Variants in DAB1 observed in about 807,000 individuals in gnomAD.
DAB1 encodes the protein DAB adaptor protein 1.
A neutral mutation model predicts 64.6 loss-of-function variants in DAB1; 15 were observed. The observed-to-expected ratio is 0.23, with a 90% confidence interval of 0.16 to 0.36. The LOEUF is 0.36. Ranked by LOEUF, DAB1 falls within the 10% of genes least tolerant of loss-of-function variation. The pLI is 1.00. For missense variants in DAB1, 596 were observed against 706.7 expected, an observed-to-expected ratio of 0.84 and a Z score of 1.78; for synonymous variants, 235 against 251.9, an observed-to-expected ratio of 0.93 and a Z score of 0.64.
intron 6 of DAB1, among the ~76,000 whole-genome samples, chr1:57,707,101 C>T (rs960561784): frequency 2.0e-5 from 3 of 151,552 alleles, no homozygotes; most frequent in Non-Finnish European, 4.4e-5. Context: ...ACAAAAAAAC[C>T]CCCCAAAAAA....
chr1:58,449,916 T>C (rs1401604006), intron 3 of DAB1, among the ~76,000 whole-genome samples: 2 of 152,234 alleles, frequency 1.3e-5, no homozygotes, highest in African/African-American at 4.8e-5. Flanking sequence ...GTGACTAGCA[T>C]AACACCTGAT....
chr1:57,186,234 G>A (rs180901986), intron 2 of DAB1, among the ~76,000 whole-genome samples: 110 of 152,140 alleles, frequency 7.2e-4, no homozygotes, highest in Non-Finnish European at 4.6e-4. Flanking sequence ...ATATGTATCC[G>A]TGTTTCTCCA....
At chr1:57,353,744 C>T (rs570002326) in intron 1 of DAB1, among the ~76,000 whole-genome samples, 1 of 152,146 alleles carries the variant, frequency 6.6e-6, no homozygotes, top group Admixed American at 6.5e-5. Flanking sequence ...TTTGCTACAG[C>T]TCCCTGCTCC....
chr1:57,425,821 A>G (rs185648268), upstream of DAB1, among the ~76,000 whole-genome samples: 3 of 152,272 alleles, frequency 2.0e-5, no homozygotes, highest in Admixed American at 1.3e-4. Flanking sequence ...AAGTCTCTAC[A>G]AGTTTTCCAA....
At chr1:57,852,306 C>T (rs1477528595) in intron 1 of DAB1, among the ~76,000 whole-genome samples, 1 of 151,846 alleles carries the variant, frequency 6.6e-6, no homozygotes, top group Admixed American at 6.5e-5. Flanking sequence ...TAACATTTTT[C>T]ATACCCTTTT....
intron 6 of DAB1, among the ~76,000 whole-genome samples, chr1:57,791,695 G>C (rs72664676): frequency 0.044 from 6,626 of 152,168 alleles, 234 homozygotes; most frequent in Non-Finnish European, 0.066. Context: ...CCCACCTCCT[G>C]CATATCCAAC....
intron 1 of DAB1, among the ~76,000 whole-genome samples, chr1:57,331,586 A>G (rs1380554405): frequency 1.3e-5 from 2 of 152,226 alleles, no homozygotes; most frequent in Non-Finnish European, 2.9e-5. Flanking sequence ...TGCCTTCTAT[A>G]GAGACTAGAA....
chr1:57,953,598 C>T (rs562324891), intron 5 of DAB1, among the ~76,000 whole-genome samples: 9 of 152,286 alleles, frequency 5.9e-5, no homozygotes, highest in South Asian at 2.1e-4. Context: ...GGACATCCTC[C>T]GTTTGCCCTT....
intron 5 of DAB1, among the ~76,000 whole-genome samples, chr1:58,126,873 G>T (rs936754810): frequency 6.8e-6 from 1 of 146,314 alleles, no homozygotes; most frequent in Non-Finnish European, 1.5e-5. Context: ...GGACATTTGG[G>T]TTGGTTCCAA....
intron 5 of DAB1, among the ~76,000 whole-genome samples, chr1:57,967,637 T>C (rs182180800): frequency 6.6e-6 from 1 of 152,342 alleles, no homozygotes; most frequent in Admixed American, 6.5e-5. Context: ...AGAATCTAAC[T>C]GGGTTACCAG....
chr1:58,029,114 C>T (rs1443555169), intron 5 of DAB1, among the ~76,000 whole-genome samples: 1 of 152,060 alleles, frequency 6.6e-6, no homozygotes, highest in Non-Finnish European at 1.5e-5. Context: ...AACACTAAGA[C>T]CAACTATAAT....
chr1:57,226,672 A>AAAAATATAT (rs747021990), intron 2 of DAB1, among the ~76,000 whole-genome samples: 22 of 135,998 alleles, frequency 1.6e-4, no homozygotes, highest in African/African-American at 6.2e-4. Context: ...TTAAAAAAAA[A>AAAAATATAT]ATATATATAT....
intron 7 of DAB1, among the ~76,000 whole-genome samples, chr1:57,523,801 T>G (rs748304389): frequency 9.9e-5 from 15 of 152,058 alleles, no homozygotes; most frequent in Non-Finnish European, 1.8e-4. Context: ...GGTGCATCCC[T>G]GTAGTCCCAG....
At chr1:58,414,636 G>A (rs1228235381) in intron 3 of DAB1, among the ~76,000 whole-genome samples, 1 of 151,760 alleles carries the variant, frequency 6.6e-6, no homozygotes, top group African/African-American at 2.4e-5. Flanking sequence ...TAGGTATGAG[G>A]GAAAACATAG....
At chr1:58,201,995 C>T (rs867989078) in intron 4 of DAB1, among the ~76,000 whole-genome samples, 18 of 152,112 alleles carry the variant, frequency 1.2e-4, no homozygotes, top group African/African-American at 4.1e-4. Flanking sequence ...AGCTCCTCAG[C>T]CCCTCCATGC....
chr1:58,472,779 T>C lies in DAB1; in HGVS notation n.257+33281A>G, dbSNP rs1645373929. On this transcript the variant is annotated intron_variant and non_coding_transcript_variant, in intron 3 of 20. Coordinates refer to the DAB1 transcript ENST00000485760. ...ACTTGTCTCTTGAAGTTCTCTGCCT[T>C]ACAAAAGAATCTCTTAAATAAATGG... is the stretch of plus-strand genomic sequence containing the variant. Among the ~76,000 whole-genome samples the C allele has an allele frequency of 1.3e-5, 2 of 152,214 alleles. 1 individual carries two copies. The highest frequency in any genetic ancestry group is 4.1e-4 in the South Asian group (2 of 4,834).
intron 4 of DAB1, among the ~76,000 whole-genome samples, chr1:57,119,948 C>T (rs1656488031): frequency 6.6e-6 from 1 of 152,154 alleles, no homozygotes; most frequent in Non-Finnish European, 1.5e-5. Flanking sequence ...AGGGAAAATC[C>T]TTTATCAGCC....
chr1:57,142,609 C>CACACACACACACACACACACACACAT (rs1295314971), intron 3 of DAB1, among the ~76,000 whole-genome samples: 15 of 149,174 alleles, frequency 1.0e-4, no homozygotes, highest in African/African-American at 2.0e-4. Flanking sequence ...CACACACACA[C>CACACACACACACACACACACACACAT]ACACACACAC....
In DAB1 at chr1:57,043,158, G is replaced by A. The variant is rs191426766; in HGVS notation, c.724-17115C>T. On this transcript the variant is annotated intron_variant, in intron 9 of 14. Transcript: ENST00000371236. ...GTGTCAGCAATCTGAGATAGTCTTCGCTACTGAAAGTCTCGCCAATATCTG... is the reference window on the plus strand; with the variant it reads ...GTGTCAGCAATCTGAGATAGTCTTCACTACTGAAAGTCTCGCCAATATCTG... 7.2e-5 allele frequency among the ~76,000 whole-genome samples: 11 copies of A among 152,182 alleles called. No homozygotes were observed. In the East Asian group the frequency reaches 7.7e-4, roughly 11 times the overall value.
Sources: gnomAD v4.1 joint callset for allele counts (sites outside exome capture counted in the v4.1 genomes callset) on GRCh38, gnomAD v4.1.1 for gene constraint, MANE v1.5 for transcripts, NCBI Gene and HGNC (gene_info 2026-07-23, HGNC 2026-07-21) for gene names.